The following RYR2 variants were observed in gnomAD, a reference collection of about 807,000 sequenced individuals.
The protein encoded by RYR2 is ryanodine receptor 2.
Under a neutral mutation model 601.1 loss-of-function variants are expected in RYR2, and 227 were observed. The ratio of observed to expected loss-of-function variants is 0.38; its 90% CI spans 0.34 to 0.42. The LOEUF (loss-of-function observed/expected upper bound fraction) is 0.42. Among genes scored for constraint, RYR2 ranks in the 10% least tolerant of loss-of-function variants. The pLI, the probability that RYR2 is intolerant of heterozygous loss-of-function variation, is 1.00. For missense variants in RYR2, 4,646 were observed against 6,156.5 expected, an observed-to-expected ratio of 0.75 and a Z score of 8.21; for synonymous variants, 2,223 against 2,175.1, an observed-to-expected ratio of 1.02 and a Z score of -0.61.
At chr1:237,554,115 T>A (rs1670658398) in intron 27 of RYR2, among the ~76,000 whole-genome samples, 1 of 151,974 alleles carries the variant, frequency 6.6e-6, no homozygotes, top group South Asian at 2.1e-4. Flanking sequence ...CCATTAAGTA[T>A]GATGTTAAGT....
intron 8 of RYR2, among the ~76,000 whole-genome samples, chr1:237,378,091 C>T (rs978217834): frequency 1.3e-5 from 2 of 152,208 alleles, no homozygotes; most frequent in Admixed American, 6.5e-5. Flanking sequence ...GTGAAAGACA[C>T]GTCTCATGTG....
chr1:237,288,926 G>A (rs1691887853), intron 2 of RYR2, among the ~76,000 whole-genome samples: 1 of 152,158 alleles, frequency 6.6e-6, no homozygotes, highest in Non-Finnish European at 1.5e-5. Context: ...GGATCCCTGT[G>A]GTGCCAGGCA....
At chr1:237,666,119 C>T (rs1167835083) in intron 56 of RYR2, among the ~76,000 whole-genome samples, 1 of 152,150 alleles carries the variant, frequency 6.6e-6, no homozygotes, top group Non-Finnish European at 1.5e-5. Context: ...ACATTTGACC[C>T]ATCAAGACAT....
chr1:237,682,195 C>A (rs185617833), intron 62 of RYR2, among the ~76,000 whole-genome samples: 49 of 152,024 alleles, frequency 3.2e-4, no homozygotes, highest in Middle Eastern at 6.8e-3. Flanking sequence ...GTTAATTATA[C>A]CTCTATAAAG....
At chr1:237,669,352 C>T (rs1216306284) in intron 58 of RYR2, among the ~76,000 whole-genome samples, 4 of 152,142 alleles carry the variant, frequency 2.6e-5, no homozygotes, top group African/African-American at 9.6e-5. Context: ...TCCACAAAAC[C>T]GCCATTGTCA....
chr1:237,252,604 TAA>T (rs2149278178), intron 1 of RYR2, among the ~76,000 whole-genome samples: 1 of 152,378 alleles, frequency 6.6e-6, no homozygotes, highest in African/African-American at 2.4e-5. Flanking sequence ...TGAATGAATT[TAA>T]TTTTTACAAA....
chr1:237,651,557 T>G, intron 51 of RYR2, 56 bp downstream of exon 51: 1 of 1,113,194 alleles, frequency 9.0e-7, no homozygotes, highest in Non-Finnish European at 1.3e-6. Context: ...GACTTTATTT[T>G]CTATGACAAC....
intron 1 of RYR2, among the ~76,000 whole-genome samples, chr1:237,235,180 A>G (rs1019659125): frequency 6.6e-6 from 1 of 152,326 alleles, no homozygotes; most frequent in South Asian, 2.1e-4. Flanking sequence ...AAGAGTAGAA[A>G]ACATTCTAAA....
At chr1:237,634,607 G>A in intron 43 of RYR2, among the ~76,000 whole-genome samples, 1 of 152,122 alleles carries the variant, frequency 6.6e-6, no homozygotes, top group East Asian at 1.9e-4. Flanking sequence ...GATTTTGAGT[G>A]TTTTCACCAC....
chr1:237,641,558 T>C (rs1431465865), intron 47 of RYR2, among the ~76,000 whole-genome samples: 1 of 151,456 alleles, frequency 6.6e-6, no homozygotes, highest in Admixed American at 6.6e-5. Context: ...TTTTTTTTAA[T>C]TGAGGCAAGG....
intron 1 of RYR2, among the ~76,000 whole-genome samples, chr1:237,224,319 GT>G (rs1240510667): frequency 6.6e-6 from 1 of 152,160 alleles, no homozygotes; most frequent in African/African-American, 2.4e-5. Context: ...TTAATCAACT[GT>G]TTATGTTATA....
At chr1:237,623,359 G>GTTTCTTTCTTTCTTTCTTTCTTTC (rs1189274935) in intron 38 of RYR2, among the ~76,000 whole-genome samples, 8 of 48,952 alleles carry the variant, frequency 1.6e-4, no homozygotes, top group African/African-American at 4.6e-4. Context: ...GCCTTTCTTT[G>GTTTCTTTCTTTCTTTCTTTCTTTC]TTTCTTTCTT....
intron 27 of RYR2, among the ~76,000 whole-genome samples, chr1:237,561,925 A>G (rs768320649): frequency 5.9e-5 from 9 of 152,224 alleles, no homozygotes; most frequent in Non-Finnish European, 1.2e-4. Flanking sequence ...GAGAGATTTT[A>G]TAGCATAAAG....
chr1:237,831,426 T>C, intron 103 of RYR2, 88 bp from the exon 104 acceptor site: 2 of 747,664 alleles, frequency 2.7e-6, no homozygotes, highest in Non-Finnish European at 4.6e-6. Context: ...CCATAATTGA[T>C]TGCAACCATA....
chr1:237,758,594 A>T (rs1418373605), intron 82 of RYR2, among the ~76,000 whole-genome samples: 1 of 152,212 alleles, frequency 6.6e-6, no homozygotes, highest in African/African-American at 2.4e-5. Flanking sequence ...TACTTTGTGC[A>T]TATGTATCCT....
intron 29 of RYR2, among the ~76,000 whole-genome samples, chr1:237,585,712 T>C (rs1674451339): frequency 6.6e-6 from 1 of 152,214 alleles, no homozygotes; most frequent in African/African-American, 2.4e-5. Context: ...TAAGTTCTGC[T>C]TCACTTAAAA....
At chr1:237,706,507 G>T (rs546383827) in intron 67 of RYR2, among the ~76,000 whole-genome samples, 1 of 152,292 alleles carries the variant, frequency 6.6e-6, no homozygotes, top group African/African-American at 2.4e-5. Flanking sequence ...ATCCAGGAAA[G>T]ATTTGAGTAT....
At chr1:237,388,262 A>G (rs2149848833) in intron 10 of RYR2, 79 bp downstream of exon 10, 1 of 1,176,032 alleles carries the variant, frequency 8.5e-7, no homozygotes, top group Admixed American at 2.0e-5. Context: ...GGATCTATTC[A>G]TTCAGGCCAG....
chr1:237,730,583 G>GAATAATATA (rs1690593390), intron 77 of RYR2, among the ~76,000 whole-genome samples: 1 of 152,038 alleles, frequency 6.6e-6, no homozygotes, highest in Admixed American at 6.6e-5. Context: ...AATTTAAAAT[G>GAATAATATA]AATAATATAG....
Sources: allele counts gnomAD v4.1 joint callset (sites outside exome capture counted in the v4.1 genomes callset), GRCh38; gene constraint gnomAD v4.1.1; transcripts MANE v1.5; gene names NCBI Gene and HGNC (gene_info 2026-07-23, HGNC 2026-07-21).